Variants in ANTXR1 observed in about 807,000 individuals in gnomAD.
ANTXR1 encodes the protein anthrax toxin receptor 1.
ANTXR1 carries 19 observed loss-of-function variants against 78.1 expected under a neutral mutation model. That is an observed-to-expected ratio of 0.24 (90% CI 0.17 to 0.36). The LOEUF is 0.36. Among genes scored for constraint, ANTXR1 ranks in the 10% least tolerant of loss-of-function variants. The probability of loss-of-function intolerance (pLI) is 1.00; values close to 1 mark genes in which losing one functional copy is unlikely to be tolerated. For synonymous variants in ANTXR1, 273 were observed against 260.5 expected, an observed-to-expected ratio of 1.05 and a Z score of -0.46; for missense variants, 518 against 718.6, an observed-to-expected ratio of 0.72 and a Z score of 3.19.
chr2:69,062,250 C>G (rs1477415073), intron 3 of ANTXR1, among the ~76,000 whole-genome samples: 1 of 152,168 alleles, frequency 6.6e-6, no homozygotes, highest in Non-Finnish European at 1.5e-5. Flanking sequence ...GTTATCCCCC[C>G]TCACCCACAT....
At position 69,248,635 on chromosome 2, in the gene ANTXR1, A is replaced by G. The variant is rs1676070583; in HGVS notation, c.*3150A>G. On this transcript the variant is annotated 3_prime_UTR_variant, in exon 18 of 18. Transcript: ENST00000303714. Reference sequence around the variant, plus strand: ...GGGTAACCTCATTGTAACTATCATCAGAATGGGCAGAGATGATCTTGAAGT... The same window carrying G: ...GGGTAACCTCATTGTAACTATCATCGGAATGGGCAGAGATGATCTTGAAGT... The G allele has an allele frequency of 6.6e-6, 1 of 152,250 alleles. No individual in the cohort carries two copies. Among genetic ancestry groups the G allele is most frequent in the Admixed American group, 6.5e-5 (1 of 15,286 alleles). The allele number at this position is 152,250 out of a possible 1,614,324, so 9.4% of individuals were successfully genotyped here.
intron 3 of ANTXR1, among the ~76,000 whole-genome samples, chr2:69,069,524 A>T (rs959761243): frequency 4.6e-5 from 7 of 152,218 alleles, no homozygotes; most frequent in Admixed American, 2.0e-4. Flanking sequence ...CCTTTCACTG[A>T]TGCCAGGTTC....
At chr2:69,182,091 G>T in intron 15 of ANTXR1, 1 of 592,432 alleles carries the variant, frequency 1.7e-6, no homozygotes. Context: ...TAAGGCAGAC[G>T]GATGGAGAGA....
At chr2:69,018,591 A>G (rs1292532766) in intron 1 of ANTXR1, among the ~76,000 whole-genome samples, 1 of 152,232 alleles carries the variant, frequency 6.6e-6, no homozygotes, top group Non-Finnish European at 1.5e-5. Flanking sequence ...CAAGGGTCCC[A>G]AAGACAACCT....
chr2:69,184,657 C>T (rs916096996), intron 16 of ANTXR1, among the ~76,000 whole-genome samples: 2 of 151,920 alleles, frequency 1.3e-5, no homozygotes, highest in African/African-American at 2.4e-5. Context: ...TATTGACTGG[C>T]GGTTTAGGAC....
At chr2:69,180,163 T>C (rs1674237917) in intron 14 of ANTXR1, among the ~76,000 whole-genome samples, 1 of 152,266 alleles carries the variant, frequency 6.6e-6, no homozygotes, top group Non-Finnish European at 1.5e-5. Context: ...TTGTCACCTT[T>C]TGTCCTGACC....
Position 69,193,396 on chromosome 2 carries a change from G to C in ANTXR1, c.1415G>C (p.Arg472Pro). ...RKGYDRVSVM[R>P]PQPGDTGRCI... ...GGATATGATCGTGTGTCTGTGATGC[G>C]TCCACAGCCAGGAGACACGGTAGGA... is the stretch of plus-strand genomic sequence containing the variant. Residue 472 changes from arginine to proline, a missense_variant, in exon 17 of 18, where the codon CGT becomes CCT. Around this residue, in one of 5 missense-constraint regions of ANTXR1, gnomAD observed 192 missense variants for 230.2 expected, o/e 0.83. Coordinates refer to ENST00000303714, the MANE Select transcript of ANTXR1 (RefSeq NM_032208.3). 6.2e-7 allele frequency: 1 copy of C among 1,613,230 alleles called. No individual in the cohort carries two copies. The highest frequency in any genetic ancestry group is 1.1e-5 in the South Asian group (1 of 91,050).
At chr2:69,074,691 A>C (rs1484512071) in intron 6 of ANTXR1, among the ~76,000 whole-genome samples, 1 of 152,216 alleles carries the variant, frequency 6.6e-6, no homozygotes, top group South Asian at 2.1e-4. Context: ...AAAAAAAGAC[A>C]TAAGTTTTTG....
intron 10 of ANTXR1, among the ~76,000 whole-genome samples, chr2:69,105,695 C>T (rs1342031729): frequency 6.6e-6 from 1 of 152,210 alleles, no homozygotes; most frequent in East Asian, 1.9e-4. Flanking sequence ...CACCTCTATA[C>T]CCCAAGTTTT....
In ANTXR1 at chr2:69,071,885, G is replaced by A. The variant is rs556447306; in HGVS notation, c.412+98G>A. 3.7e-5 allele frequency: 41 copies of A among 1,093,582 alleles called. No homozygotes were observed. The African/African-American group carries it at 6.0e-4, about 16-fold the overall frequency. 67.7% of individuals were successfully genotyped at this position (1,093,582 alleles called of 1,614,324 possible). A position where few individuals can be genotyped will look rare whatever the true frequency, so the allele number is the denominator to read the frequency against. On this transcript the variant is annotated intron_variant, in intron 5 of 17. Transcript: ENST00000303714. ...AGTCATTTCATGTTTCAAAAGACAT[G>A]TATGATATTATCTGTAATTCTTAGA... is the stretch of plus-strand genomic sequence containing the variant.
chr2:69,225,857 C>A (rs1213334137), intron 17 of ANTXR1, among the ~76,000 whole-genome samples: 6 of 152,176 alleles, frequency 3.9e-5, no homozygotes, highest in Non-Finnish European at 8.8e-5. Context: ...TGACAAAGTC[C>A]CTGCCTTCAA....
chr2:69,026,895 G>A (rs4386359), intron 1 of ANTXR1, among the ~76,000 whole-genome samples: 41,116 of 152,074 alleles, frequency 0.27, 10,587 homozygotes, highest in African/African-American at 0.64. Context: ...ACGCTGCATC[G>A]GGTCCAGAGA....
chr2:69,183,345 T>C (rs1193446109), intron 16 of ANTXR1, among the ~76,000 whole-genome samples: 3 of 152,180 alleles, frequency 2.0e-5, no homozygotes, highest in Non-Finnish European at 4.4e-5. Flanking sequence ...CTTTGGTTTA[T>C]TGGGAAGTGT....
In ANTXR1 at chr2:69,030,872, C is replaced by T. The variant is rs77892582; in HGVS notation, c.153-9172C>T. Reference sequence around the variant, plus strand: ...AATACAGATTTGTATATTATCTTGTCGTGAGAAAGACATGACAGTGAATAC... The same window carrying T: ...AATACAGATTTGTATATTATCTTGTTGTGAGAAAGACATGACAGTGAATAC... On this transcript the variant is annotated intron_variant, in intron 1 of 17. Transcript: ENST00000303714. 3.7e-4 allele frequency among the ~76,000 whole-genome samples: 56 copies of T among 152,074 alleles called. No homozygotes were observed. In the East Asian group the frequency reaches 0.01, roughly 28 times the overall value.
Position 69,070,644 on chromosome 2 carries a change from C to T in ANTXR1, c.297-3C>T. 1 of 1,613,856 alleles carries T rather than the reference C, an allele frequency of 6.2e-7. No individual in the cohort carries two copies. Among genetic ancestry groups the T allele is most frequent in the African/African-American group, 1.3e-5 (1 of 75,016 alleles). ...AGACTAACAGAGTGTCTTTGGATTT[C>T]AGAGAACAAATCCGTCAAGGCCTAG... On this transcript the variant is annotated splice_region_variant and splice_polypyrimidine_tract_variant and intron_variant, in intron 3 of 17. Transcript: ENST00000303714.
At chr2:69,112,940 G>C (rs922312733) in intron 10 of ANTXR1, among the ~76,000 whole-genome samples, 1 of 152,196 alleles carries the variant, frequency 6.6e-6, no homozygotes, top group South Asian at 2.1e-4. Flanking sequence ...GCCACCAGAG[G>C]TAACTAGGTG....
chr2:69,078,538 A>G (rs1297251500), intron 8 of ANTXR1, among the ~76,000 whole-genome samples: 1 of 152,126 alleles, frequency 6.6e-6, no homozygotes, highest in Non-Finnish European at 1.5e-5. Context: ...AGGGTTTGCT[A>G]GGAGCTCCAG....
intron 16 of ANTXR1, among the ~76,000 whole-genome samples, chr2:69,189,299 C>T (rs1228383776): frequency 1.3e-5 from 2 of 152,176 alleles, no homozygotes; most frequent in African/African-American, 4.8e-5. Flanking sequence ...AGTCGGGCAG[C>T]GCTTTCTATG....
rs1473555996 is a variant in ANTXR1, at chr2:69,245,717, T to C, written c.*232T>C. The C allele has an allele frequency of 7.2e-6, 4 of 554,068 alleles. No individual in the cohort carries two copies. The highest frequency in any genetic ancestry group is 6.3e-6 in the Non-Finnish European group (2 of 316,390). 34.3% of individuals were successfully genotyped at this position (554,068 alleles called of 1,614,324 possible). On this transcript the variant is annotated 3_prime_UTR_variant, in exon 18 of 18. Transcript: ENST00000303714. ...ACAGTCAGATTTATAGCCAGCCATC[T>C]ATCACCTCTAGAAGGTTCCAGAGAC...
Sources: gnomAD v4.1 joint callset for allele counts (sites outside exome capture counted in the v4.1 genomes callset) on GRCh38, gnomAD v4.1.1 for gene constraint, gnomAD v4.1.1 regional missense constraint, MANE v1.5 for transcripts, NCBI Gene and HGNC (gene_info 2026-07-23, HGNC 2026-07-21) for gene names.